Variants in FER1L5 observed in about 807,000 individuals in gnomAD.
FER1L5 encodes fer-1 like family member 5.
FER1L5 carries 187 observed loss-of-function variants against 279.9 expected under a neutral mutation model. The ratio of observed to expected loss-of-function variants is 0.67; its 90% CI spans 0.59 to 0.75. FER1L5 has a LOEUF of 0.75. Ranked by LOEUF, FER1L5 falls within the 30% of genes least tolerant of loss-of-function variation. The pLI is 0.00. For synonymous variants in FER1L5, 921 were observed against 989.7 expected, an observed-to-expected ratio of 0.93 and a Z score of 1.30; for missense variants, 2,091 against 2,594.4, an observed-to-expected ratio of 0.81 and a Z score of 4.21.
At chr2:96,659,423 TTC>T (rs1491357999) in intron 9 of FER1L5, among the ~76,000 whole-genome samples, 3 of 10,436 alleles carry the variant, frequency 2.9e-4, no homozygotes, top group Non-Finnish European at 4.7e-4. Flanking sequence ...CTTTCTTTCT[TTC>T]TTTCTTTCTT....
At chr2:96,679,874 T>G (rs1212487853) in intron 19 of FER1L5, among the ~76,000 whole-genome samples, 1 of 152,212 alleles carries the variant, frequency 6.6e-6, no homozygotes, top group African/African-American at 2.4e-5. Context: ...TAATCTCCCG[T>G]GGACTACTTA....
intron 9 of FER1L5, among the ~76,000 whole-genome samples, chr2:96,659,613 T>C (rs1328048711): frequency 6.7e-6 from 1 of 149,856 alleles, no homozygotes; most frequent in East Asian, 2.0e-4. Context: ...TGCCTGAACC[T>C]CCCTAGTAGC....
At position 96,642,769 on chromosome 2, in the gene FER1L5, A is replaced by C. The variant is rs1332830026; in HGVS notation, c.-68A>C. The C allele has an allele frequency of 4.7e-6, 7 of 1,487,984 alleles. No individual in the cohort carries two copies. In the African/African-American group the frequency reaches 9.8e-5, roughly 21 times the overall value. 92.2% of individuals were successfully genotyped at this position (1,487,984 alleles called of 1,614,324 possible). On this transcript the variant is annotated 5_prime_UTR_variant, in exon 1 of 53. Transcript: ENST00000624922. Reference sequence around the variant, plus strand: ...CCAGGATCGCTGGGAAAAGTCTTGGACTGAGGAGCTCCAAAAAGGAAGCTG... The same window carrying C: ...CCAGGATCGCTGGGAAAAGTCTTGGCCTGAGGAGCTCCAAAAAGGAAGCTG...
Position 96,697,687 on chromosome 2 carries a change from T to G in FER1L5, c.4162T>G (p.Trp1388Gly), listed in dbSNP as rs754674709. ...EDEYEHEVDW[W>G]SKLFWATDEH... ...TGAGTATGAGCATGAGGTGGACTGGTGGAGCAAGCTGTTCTGGGCCACAGA... is the reference window on the plus strand; with the variant it reads ...TGAGTATGAGCATGAGGTGGACTGGGGGAGCAAGCTGTTCTGGGCCACAGA... Residue 1388 changes from tryptophan (W) to glycine (G), a missense_variant, in exon 39 of 53, where the codon TGG (tryptophan) becomes GGG (glycine). Physicochemically the swap from Trp to Gly is radical, Grantham distance 184 (BLOSUM62 -2). Coordinates refer to ENST00000624922, the MANE Select transcript of FER1L5 (RefSeq NM_001293083.2). 5.6e-6 allele frequency: 9 copies of G among 1,613,942 alleles called. No homozygotes were observed. In the Middle Eastern group the frequency reaches 6.6e-4, roughly 118 times the overall value.
Position 96,699,532 on chromosome 2 carries a change from C to G in FER1L5, c.4611-18C>G. 2 of 1,609,196 alleles carry G rather than the reference C, an allele frequency of 1.2e-6. No homozygotes were observed. Among genetic ancestry groups the G allele is most frequent in the Non-Finnish European group, 1.7e-6 (2 of 1,176,664 alleles). Reference sequence around the variant, plus strand: ...ACATTGCCCACATCCTCTGCAGTCTCCAACACCTCACCCCTAGGATGTTTG... The same window carrying G: ...ACATTGCCCACATCCTCTGCAGTCTGCAACACCTCACCCCTAGGATGTTTG... On this transcript the variant is annotated intron_variant, in intron 42 of 52. Transcript: ENST00000624922.
At position 96,697,728 on chromosome 2, in the gene FER1L5, G is replaced by A. The variant is rs1290457785; in HGVS notation, c.4203G>A (p.Leu1401=). 1 of 1,614,034 alleles carries A rather than the reference G, an allele frequency of 6.2e-7. No homozygotes were observed. Among genetic ancestry groups the A allele is most frequent in the Non-Finnish European group, 8.5e-7 (1 of 1,179,898 alleles). ...LFWATDEHKS[L]KYKYKDYHTL... ...GGGCCACAGATGAGCACAAGTCCCTGAAGTACAAGTACAAAGACTACCACA... is the reference window on the plus strand; with the variant it reads ...GGGCCACAGATGAGCACAAGTCCCTAAAGTACAAGTACAAAGACTACCACA... The change falls in exon 39 of 53, where the codon CTG becomes CTA. Residue 1401 remains leucine (L), a synonymous_variant. Transcript: ENST00000624922.
rs2076911769 is a variant in FER1L5, at chr2:96,686,054, G to A, written c.2010G>A (p.Lys670=). The stretch of plus-strand genomic sequence containing the variant: ...TGGCCCAAAAGGCCAAGCAAGCCAA[G>A]CCCAAGGACATGGTGGCCACAGCGG... ...QELAQKAKQA[K]PKDMVATAED... is the part of the protein sequence containing the mutation. The change falls in exon 22 of 53, where the codon AAG becomes AAA. Residue 670 remains lysine, a synonymous_variant. Coordinates refer to ENST00000624922, the MANE Select transcript of FER1L5 (RefSeq NM_001293083.2). 6.4e-7 allele frequency: 1 copy of A among 1,551,540 alleles called. No individual in the cohort carries two copies. The highest frequency in any genetic ancestry group is 1.4e-5 in the African/African-American group (1 of 73,078).
At chr2:96,704,383 C>G (rs761697417) in intron 52 of FER1L5, 21 bp downstream of exon 52, 1 of 1,613,318 alleles carries the variant, frequency 6.2e-7, no homozygotes, top group South Asian at 1.1e-5. Flanking sequence ...GCCATGGGGG[C>G]AAGGACAAAG....
intron 45 of FER1L5, among the ~76,000 whole-genome samples, chr2:96,700,903 G>A (rs887008301): frequency 6.6e-6 from 1 of 152,154 alleles, no homozygotes; most frequent in African/African-American, 2.4e-5. Flanking sequence ...ATCCCCAAAC[G>A]CACCTAATTA....
At chr2:96,654,061 A>G in intron 8 of FER1L5, 1 of 359,604 alleles carries the variant, frequency 2.8e-6, no homozygotes, top group Non-Finnish European at 5.0e-6. Flanking sequence ...GGTGCCTACT[A>G]TGTGCCCAGC....
intron 14 of FER1L5, among the ~76,000 whole-genome samples, chr2:96,666,265 G>A (rs2076123026): frequency 6.7e-6 from 1 of 148,878 alleles, no homozygotes; most frequent in African/African-American, 2.5e-5. Context: ...CAAGAAGCAG[G>A]AGGAGAATTA....
chr2:96,646,325 C>T lies in FER1L5; in HGVS notation c.86-76C>T, dbSNP rs2075127563. The T allele has an allele frequency of 6.0e-6, 9 of 1,493,290 alleles. No homozygotes were observed. In the South Asian group the frequency reaches 9.7e-5, roughly 16 times the overall value. 92.5% of individuals were successfully genotyped at this position (1,493,290 alleles called of 1,614,324 possible). ...CTTGAAGTTTTCTTAGAGTGTCCTA[C>T]TTCTCTTTACCCCACTCCAACCCAG... On this transcript the variant is annotated intron_variant, in intron 1 of 52. Coordinates refer to ENST00000624922, the MANE Select transcript of FER1L5 (RefSeq NM_001293083.2).
At chr2:96,669,182 T>TC in intron 17 of FER1L5, 45 bp downstream of exon 17, 1 of 1,521,614 alleles carries the variant, frequency 6.6e-7, no homozygotes, top group Non-Finnish European at 8.9e-7. Flanking sequence ...AGGTAGAGCT[T>TC]CCCCATGTAA....
At chr2:96,703,694 G>GGGCCT in intron 51 of FER1L5, 62 bp downstream of exon 51, 3 of 1,474,712 alleles carry the variant, frequency 2.0e-6, no homozygotes, top group Non-Finnish European at 2.8e-6. Context: ...ATGGGGTGGT[G>GGGCCT]ACCAGTGGGC....
In FER1L5 at chr2:96,699,057, G is replaced by A; in HGVS notation, c.4531G>A (p.Val1511Met). The A allele has an allele frequency of 6.2e-7, 1 of 1,610,592 alleles. No individual in the cohort carries two copies. The highest frequency in any genetic ancestry group is 1.1e-5 in the South Asian group (1 of 90,250). Residue 1511 changes from valine (V) to methionine (M), a missense_variant, in exon 42 of 53, where the codon GTG becomes ATG. By Grantham distance (21) the Val-to-Met change is conservative. Transcript: ENST00000624922. ...QDYNGLCDPY[V>M]ILKLGKTELG... ...TATCTGACCCCAGTGTGACCCTTATGTGATCCTGAAACTGGGCAAGACAGA... is the reference window on the plus strand; with the variant it reads ...TATCTGACCCCAGTGTGACCCTTATATGATCCTGAAACTGGGCAAGACAGA...
Position 96,693,652 on chromosome 2 carries a change from C to T in FER1L5, c.3439C>T (p.Leu1147Phe). 6.4e-7 allele frequency: 1 copy of T among 1,551,700 alleles called. No homozygotes were observed. Among genetic ancestry groups the T allele is most frequent in the Non-Finnish European group, 8.7e-7 (1 of 1,146,980 alleles). Residue 1147 changes from leucine to phenylalanine, a missense_variant, in exon 32 of 53, where the codon CTT becomes TTT. Transcript: ENST00000624922. The part of the protein sequence containing the change: ...NPQDTKESPP[L>F]VVLELWQRDF... ...ACAGGACACCAAAGAGAGCCCACCGCTTGTGGTGCTGGAGCTGTGGCAGCG... is the reference window on the plus strand; with the variant it reads ...ACAGGACACCAAAGAGAGCCCACCGTTTGTGGTGCTGGAGCTGTGGCAGCG...
Position 96,668,987 on chromosome 2 carries a change from C to T in FER1L5, c.1267+19C>T, listed in dbSNP as rs1208443363. On this transcript the variant is annotated intron_variant, in intron 16 of 52. Transcript: ENST00000624922. ...ATAGAAGGCAAGCAAAGCCTCGAGC[C>T]CACTTCCTACACCCCTCGTCCTGCG... is the stretch of plus-strand genomic sequence containing the variant. 7.7e-6 allele frequency: 12 copies of T among 1,551,698 alleles called. No individual in the cohort carries two copies. The Admixed American group carries it at 2.4e-4, about 30-fold the overall frequency.
intron 9 of FER1L5, among the ~76,000 whole-genome samples, chr2:96,659,529 T>G (rs1255320429): frequency 7.0e-6 from 1 of 143,614 alleles, no homozygotes; most frequent in African/African-American, 2.6e-5. Flanking sequence ...TCTCGCTCTG[T>G]CGCCCAGGCT....
At chr2:96,660,458 C>A in intron 10 of FER1L5, 87 bp downstream of exon 10, 2 of 1,211,220 alleles carry the variant, frequency 1.7e-6, no homozygotes, top group Non-Finnish European at 1.2e-6. Context: ...ATATGTCCAA[C>A]ACATGGGTGG....
Sources: allele counts gnomAD v4.1 joint callset (sites outside exome capture counted in the v4.1 genomes callset), GRCh38; gene constraint gnomAD v4.1.1; transcripts MANE v1.5; gene names NCBI Gene and HGNC (gene_info 2026-07-23, HGNC 2026-07-21).